Variants in RBFOX2 observed in about 807,000 individuals in gnomAD.
The protein encoded by RBFOX2 is RNA binding protein fox-1 homolog 2.
Under a neutral mutation model 49.1 loss-of-function variants are expected in RBFOX2, and 10 were observed. The ratio of observed to expected loss-of-function variants is 0.20; its 90% CI spans 0.13 to 0.35. RBFOX2 has a LOEUF of 0.35. Ranked by LOEUF, RBFOX2 falls within the 10% of genes least tolerant of loss-of-function variation. RBFOX2 has a pLI of 1.00. For synonymous variants in RBFOX2, 183 were observed against 187.4 expected, an observed-to-expected ratio of 0.98 and a Z score of 0.19; for missense variants, 323 against 486.9, an observed-to-expected ratio of 0.66 and a Z score of 3.17.
intron 1 of RBFOX2, among the ~76,000 whole-genome samples, chr22:35,849,060 C>T (rs2041566766): frequency 6.6e-6 from 1 of 152,066 alleles, no homozygotes; most frequent in Non-Finnish European, 1.5e-5. Flanking sequence ...TAAGATGTTA[C>T]TAATGTCATC....
intron 1 of RBFOX2, among the ~76,000 whole-genome samples, chr22:35,882,937 G>A (rs146199578): frequency 2.0e-3 from 306 of 152,286 alleles, no homozygotes; most frequent in African/African-American, 7.0e-3. Flanking sequence ...TAAAATCCTT[G>A]CAATCACTAA....
rs1296404039 is a variant in RBFOX2 at position 35,865,017 on chromosome 22, A to G, written c.-33-55013T>C. Among the ~76,000 whole-genome samples the G allele has an allele frequency of 2.6e-5, 4 of 152,320 alleles. 1 individual carries two copies. In the South Asian group the frequency reaches 8.3e-4, roughly 32 times the overall value. On this transcript the variant is annotated intron_variant, in intron 1 of 13. Transcript: ENST00000359369. ...GAACTGATGTCATCCTTGCAATACT[A>G]ATGCTACTCTGCAGAAGTATTCATG...
At chr22:35,937,295 C>G (rs902664936) in intron 1 of RBFOX2, among the ~76,000 whole-genome samples, 6 of 152,280 alleles carry the variant, frequency 3.9e-5, no homozygotes, top group African/African-American at 1.2e-4. Context: ...CAGACACAAA[C>G]CAGAATGAAA....
intron 1 of RBFOX2, among the ~76,000 whole-genome samples, chr22:35,826,379 C>A (rs571320286): frequency 1.3e-4 from 20 of 150,278 alleles, no homozygotes; most frequent in African/African-American, 4.9e-4. Flanking sequence ...ATAATAATTA[C>A]CACTATTATT....
intron 1 of RBFOX2, among the ~76,000 whole-genome samples, chr22:35,849,674 C>T (rs569924273): frequency 1.3e-5 from 2 of 152,090 alleles, no homozygotes; most frequent in Non-Finnish European, 2.9e-5. Flanking sequence ...AAGTTTTTGC[C>T]TTGTTTGCGC....
At chr22:35,896,073 C>CT (rs2149406467) in intron 1 of RBFOX2, among the ~76,000 whole-genome samples, 1 of 152,222 alleles carries the variant, frequency 6.6e-6, no homozygotes, top group East Asian at 1.9e-4. Context: ...TCCCCGACCC[C>CT]TTTCTCCATG....
chr22:35,884,868 G>C (rs1009652519), intron 1 of RBFOX2, among the ~76,000 whole-genome samples: 4 of 152,112 alleles, frequency 2.6e-5, no homozygotes, highest in African/African-American at 9.7e-5. Context: ...CTGCGCATTT[G>C]AATCTTCCTT....
intron 1 of RBFOX2, among the ~76,000 whole-genome samples, chr22:35,832,642 G>A (rs934896254): frequency 3.3e-5 from 5 of 151,988 alleles, no homozygotes; most frequent in African/African-American, 1.2e-4. Context: ...AGAGCAGCCT[G>A]GCCAACATGG....
chr22:35,823,272 A>G (rs1954931027), intron 1 of RBFOX2, among the ~76,000 whole-genome samples: 1 of 152,042 alleles, frequency 6.6e-6, no homozygotes, highest in Non-Finnish European at 1.5e-5. Context: ...TGTCTCTTTC[A>G]TTTTTGCTCA....
intron 1 of RBFOX2, among the ~76,000 whole-genome samples, chr22:35,866,970 A>G (rs529107213): frequency 6.6e-6 from 1 of 152,314 alleles, no homozygotes; most frequent in East Asian, 1.9e-4. Context: ...TCTACGTTCA[A>G]TGTCTTGATT....
intron 1 of RBFOX2, among the ~76,000 whole-genome samples, chr22:35,878,490 G>C (rs546801958): frequency 6.6e-6 from 1 of 152,284 alleles, no homozygotes; most frequent in East Asian, 1.9e-4. Context: ...CTGCAGCTTT[G>C]ACCTCCTGGG....
chr22:35,813,574 A>G (rs1952363974), intron 1 of RBFOX2, among the ~76,000 whole-genome samples: 1 of 152,108 alleles, frequency 6.6e-6, no homozygotes, highest in African/African-American at 2.4e-5. Flanking sequence ...CCTTTCCTAT[A>G]TTCTTATAAC....
chr22:35,898,042 T>C, intron 1 of RBFOX2: 2 of 728,126 alleles, frequency 2.7e-6, no homozygotes, highest in Non-Finnish European at 5.1e-6. Flanking sequence ...ATTGCTGTGT[T>C]CCACTACTCG....
chr22:35,920,795 C>G (rs12158565), intron 1 of RBFOX2, among the ~76,000 whole-genome samples: 32,991 of 152,092 alleles, frequency 0.22, 5,456 homozygotes, highest in African/African-American at 0.47. Flanking sequence ...ATAAAGTAGG[C>G]CTGAGCTGGA....
At chr22:36,012,238 G>T (rs1320251991) in intron 1 of RBFOX2, among the ~76,000 whole-genome samples, 1 of 152,022 alleles carries the variant, frequency 6.6e-6, no homozygotes, top group Admixed American at 6.6e-5. Context: ...TTCCTCATCA[G>T]TCATACCCTT....
chr22:35,898,283 A>G (rs2048121641), intron 1 of RBFOX2: 1 of 747,606 alleles, frequency 1.3e-6, no homozygotes, highest in South Asian at 1.4e-5. Flanking sequence ...CCCATGAGGT[A>G]TGAGGGCATG....
At chr22:35,852,178 A>C (rs1367431405) in intron 1 of RBFOX2, among the ~76,000 whole-genome samples, 3 of 152,190 alleles carry the variant, frequency 2.0e-5, no homozygotes, top group Non-Finnish European at 4.4e-5. Context: ...TTTAGAGATA[A>C]TTTAAAGTCT....
At chr22:35,814,710 CAAAAAAAAAA>C (rs55971445) in intron 1 of RBFOX2, among the ~76,000 whole-genome samples, 9 of 31,022 alleles carry the variant, frequency 2.9e-4, no homozygotes, top group Admixed American at 1.2e-3. Flanking sequence ...AACCCTGTCT[CAAAAAAAAAA>C]AAAAAAAAAA....
At chr22:35,991,215 C>A (rs1354181197) in intron 1 of RBFOX2, among the ~76,000 whole-genome samples, 1 of 151,980 alleles carries the variant, frequency 6.6e-6, no homozygotes, top group African/African-American at 2.4e-5. Context: ...AAATAACATG[C>A]AGTTAAGAGG....
Sources: gnomAD v4.1 joint callset for allele counts (sites outside exome capture counted in the v4.1 genomes callset) on GRCh38, gnomAD v4.1.1 for gene constraint, MANE v1.5 for transcripts, NCBI Gene and HGNC (gene_info 2026-07-23, HGNC 2026-07-21) for gene names.